IGSF9B: variants seen among roughly 807,000 people sequenced by gnomAD.
IGSF9B encodes the protein protein turtle homolog B.
IGSF9B carries 48 observed loss-of-function variants against 143.7 expected under a neutral mutation model. The observed-to-expected ratio is 0.33, with a 90% CI of 0.26 to 0.42. IGSF9B has a LOEUF of 0.42. Among genes scored for constraint, IGSF9B ranks in the 20% least tolerant of loss-of-function variants. The probability of loss-of-function intolerance (pLI) is 1.00; values close to 1 mark genes in which losing one functional copy is unlikely to be tolerated. For synonymous variants in IGSF9B, 903 were observed against 833.1 expected, an observed-to-expected ratio of 1.08 and a Z score of -1.44; for missense variants, 1,706 against 1,980.0, an observed-to-expected ratio of 0.86 and a Z score of 2.63.
Position 133,922,792 on chromosome 11 carries a change from C to T in IGSF9B, c.2120-62G>A, listed in dbSNP as rs538834077. The T allele has an allele frequency of 1.1e-4, 152 of 1,434,722 alleles. 1 individual carries two copies. The East Asian group carries it at 3.7e-3, about 35-fold the overall frequency. The allele number at this position is 1,434,722 out of a possible 1,614,324, so 88.9% of individuals were successfully genotyped here. On this transcript the variant is annotated intron_variant, in intron 15 of 19. Transcript: ENST00000533871. The stretch of plus-strand genomic sequence containing the variant: ...TTCCCCGGGACCTCACCTGCTCCGA[C>T]CTTCAGTCCCCAAGTGTTTCACCCT...
chr11:133,935,564 A>AC, intron 7 of IGSF9B, 53 bp downstream of exon 7: 1 of 1,566,536 alleles, frequency 6.4e-7, no homozygotes, highest in Non-Finnish European at 8.6e-7. Flanking sequence ...TCTGGCTAAC[A>AC]CCAAAACCTT....
chr11:133,924,485 T>C (rs965107571), intron 15 of IGSF9B, among the ~76,000 whole-genome samples: 1 of 152,146 alleles, frequency 6.6e-6, no homozygotes, highest in African/African-American at 2.4e-5. Context: ...TCACAGCCCC[T>C]CCCCGACAAG....
rs1163300474 is a variant in IGSF9B at position 133,922,715 on chromosome 11, G to A, written c.2135C>T (p.Pro712Leu). The A allele has an allele frequency of 6.4e-7, 1 of 1,572,038 alleles. No homozygotes were observed. The highest frequency in any genetic ancestry group is 8.6e-7 in the Non-Finnish European group (1 of 1,160,876). Residue 712 changes from proline to leucine, a missense_variant, in exon 16 of 20, where the codon CCG (proline) becomes CTG (leucine). By Grantham distance (98) the Pro-to-Leu change is moderately conservative. This residue lies in a region of IGSF9B where 267 missense variants were observed against 321.1 expected (regional missense o/e 0.83). Coordinates refer to ENST00000533871, the MANE Select transcript of IGSF9B (RefSeq NM_001277285.4). The stretch of plus-strand genomic sequence containing the variant: ...CGCCAGCCCATCCTCGGTCAGGTCC[G>A]GCTGCGGGAAGATGTCTGCAGGGAG... ...GVSSTDIFPQ[P>L]DLTEDGLARP...
rs755918456 is a variant in IGSF9B at position 133,920,728 on chromosome 11, C to G, written c.2997G>C (p.Pro999=). The G allele has an allele frequency of 1.6e-5, 25 of 1,612,734 alleles. No homozygotes were observed. In the South Asian group the frequency reaches 2.5e-4, roughly 16 times the overall value. The change falls in exon 18 of 20, where the codon CCG becomes CCC. Residue 999 remains proline, a synonymous_variant. Transcript: ENST00000533871. The part of the protein sequence containing the change: ...GSPLSSVMSS[P]PLPTEGPFGH... ...CAAAGGGCCCCTCGGTGGGCAGGGGCGGGGACGACATGACGGAGCTCAGGG... is the reference window on the plus strand; with the variant it reads ...CAAAGGGCCCCTCGGTGGGCAGGGGGGGGGACGACATGACGGAGCTCAGGG...
intron 4 of IGSF9B, 72 bp from the exon 5 acceptor site, chr11:133,937,565 T>A: frequency 2.4e-6 from 3 of 1,271,722 alleles, no homozygotes; most frequent in Non-Finnish European, 3.4e-6. Flanking sequence ...AACACGGAGA[T>A]GCAGTCGGAG....
chr11:133,955,324 T>C (rs566295254), intron 1 of IGSF9B, among the ~76,000 whole-genome samples: 6 of 152,314 alleles, frequency 3.9e-5, no homozygotes, highest in Non-Finnish European at 7.4e-5. Flanking sequence ...CGGACCAACA[T>C]GTCAGTTAAC....
At chr11:133,938,170 C>G (rs1182908402) in intron 3 of IGSF9B, 1 of 582,260 alleles carries the variant, frequency 1.7e-6, no homozygotes, top group Non-Finnish European at 3.0e-6. Context: ...GGTCCAAATT[C>G]TGTATTGTAG....
intron 11 of IGSF9B, among the ~76,000 whole-genome samples, chr11:133,930,181 G>A (rs570814091): frequency 4.6e-5 from 7 of 152,164 alleles, no homozygotes; most frequent in African/African-American, 1.2e-4. Context: ...AGACAACTCC[G>A]TCCCACCCCA....
chr11:133,918,994 A>C (rs1177992637), intron 18 of IGSF9B: 1 of 478,490 alleles, frequency 2.1e-6, no homozygotes, highest in Admixed American at 2.3e-5. Context: ...AGAGAAGAAG[A>C]GGCACAGGCA....
In IGSF9B at chr11:133,944,271, G is replaced by C; in HGVS notation, c.358C>G (p.Gln120Glu). The change falls in exon 3 of 20, where the codon CAG becomes GAG. Residue 120 changes from glutamine to glutamate, a missense_variant. Physicochemically the swap from Gln to Glu is conservative, Grantham distance 29. This residue lies in a region of IGSF9B where 171 missense variants were observed against 213.9 expected (regional missense o/e 0.80). Coordinates refer to ENST00000533871, the MANE Select transcript of IGSF9B (RefSeq NM_001277285.4). ...WYECKVLMLD[Q>E]QYDTFHNGSW... is the part of the protein sequence containing the mutation. ...CCATTGTGGAAGGTGTCATACTGCTGGTCCAGCATGAGCACTTTGCACTCA... is the reference window on the plus strand; with the variant it reads ...CCATTGTGGAAGGTGTCATACTGCTCGTCCAGCATGAGCACTTTGCACTCA... The C allele has an allele frequency of 6.2e-7, 1 of 1,613,732 alleles. No individual in the cohort carries two copies. The highest frequency in any genetic ancestry group is 8.5e-7 in the Non-Finnish European group (1 of 1,179,774).
Position 133,909,317 on chromosome 11 carries a change from G to T in IGSF9B, c.4106-40C>A, listed in dbSNP as rs544824039. 6.8e-7 allele frequency: 1 copy of T among 1,468,900 alleles called. No homozygotes were observed. Among genetic ancestry groups the T allele is most frequent in the South Asian group, 1.2e-5 (1 of 82,682 alleles). The allele number at this position is 1,468,900 out of a possible 1,614,324, so 91.0% of individuals were successfully genotyped here. A position where few individuals can be genotyped will look rare whatever the true frequency, so the allele number is the denominator to read the frequency against. On this transcript the variant is annotated intron_variant, in intron 19 of 19. Coordinates refer to ENST00000533871, the MANE Select transcript of IGSF9B (RefSeq NM_001277285.4). The surrounding 1 kb of genome is among the most constrained non-coding windows in gnomAD (Gnocchi z 4.2). ...AGAGGGACGCAAAAGAGAAGCAAGC[G>T]GATGAAAAGGAAGCACGCAGCCTGC...
chr11:133,926,555 C>G (rs1293148084), intron 13 of IGSF9B, among the ~76,000 whole-genome samples: 4 of 152,234 alleles, frequency 2.6e-5, no homozygotes, highest in African/African-American at 9.6e-5. Flanking sequence ...GGGAGGCAGC[C>G]ACATGCCTAC....
Position 133,920,869 on chromosome 11 carries a change from C to T in IGSF9B, c.2856G>A (p.Gln952=). The T allele has an allele frequency of 6.2e-7, 1 of 1,605,430 alleles. No individual in the cohort carries two copies. The highest frequency in any genetic ancestry group is 1.3e-5 in the African/African-American group (1 of 74,812). The change falls in exon 18 of 20, where the codon CAG becomes CAA. Residue 952 remains glutamine, a synonymous_variant. Coordinates refer to ENST00000533871, the MANE Select transcript of IGSF9B (RefSeq NM_001277285.4). ...AGGGCCGGGGGGCAGGGGGCCGGGC[C>T]TGGCCTGTGGCCTGAAGCCGACCTT... The part of the protein sequence containing the change: ...GLEGRLQATG[Q]ARPPAPRPFH...
chr11:133,910,807 T>C (rs1458637571), intron 19 of IGSF9B, among the ~76,000 whole-genome samples: 2 of 152,158 alleles, frequency 1.3e-5, no homozygotes, highest in Non-Finnish European at 2.9e-5. Flanking sequence ...TAAAGAAATA[T>C]ATGTTATACA....
intron 12 of IGSF9B, 104 bp from the exon 13 acceptor site, chr11:133,927,195 C>G: frequency 1.1e-6 from 1 of 917,654 alleles, no homozygotes; most frequent in Non-Finnish European, 1.7e-6. Context: ...ACTGGTGGGC[C>G]TGGCGTTCCT....
At chr11:133,956,589 C>T (rs1940259900) in intron 1 of IGSF9B, 102 bp downstream of exon 1, 1 of 767,674 alleles carries the variant, frequency 1.3e-6, no homozygotes, top group Non-Finnish European at 2.1e-6. Flanking sequence ...CGCCGGGGAG[C>T]TGGGGAACCG....
rs113863704 is a variant in IGSF9B, at chr11:133,905,979, C to A, written c.*3090G>T. 7.5e-3 allele frequency among the ~76,000 whole-genome samples: 1,136 copies of A among 152,354 alleles called. 14 individuals are homozygous for A. Among genetic ancestry groups the A allele is most frequent in the African/African-American group, 0.026 (1,097 of 41,586 alleles). ...CTGGTCTGTGGGTCACCTGACACTA[C>A]AACAGCCACAGTTCTCAGCCATGAT... On this transcript the variant is annotated 3_prime_UTR_variant, in exon 20 of 20. Transcript: ENST00000533871. The surrounding 1 kb of genome is among the most constrained non-coding windows in gnomAD (Gnocchi z 4.0).
At chr11:133,924,080 C>G (rs548715288) in intron 15 of IGSF9B, among the ~76,000 whole-genome samples, 3 of 152,344 alleles carry the variant, frequency 2.0e-5, no homozygotes, top group African/African-American at 7.2e-5. Flanking sequence ...CCCAACTCTA[C>G]AAGTCCTGCT....
At position 133,901,704 on chromosome 11, in the gene IGSF9B, TTG is replaced by T. The variant is rs1939123019; in HGVS notation, c.*7363_*7364del. On this transcript the variant is annotated 3_prime_UTR_variant, in exon 20 of 20. Coordinates refer to ENST00000533871, the MANE Select transcript of IGSF9B (RefSeq NM_001277285.4). ...TTTGACCCTCCTACCCAAACAGAAG[TTG>T]TCTAGCAAAAGAGCCAAACAAAGGA... 1 of 152,112 alleles carries T rather than the reference TTG, an allele frequency of 6.6e-6. No individual in the cohort carries two copies. Among genetic ancestry groups the T allele is most frequent in the Admixed American group, 6.5e-5 (1 of 15,270 alleles). The allele number at this position is 152,112 out of a possible 1,614,324, so 9.4% of individuals were successfully genotyped here.
Sources: gnomAD v4.1 joint callset for allele counts (sites outside exome capture counted in the v4.1 genomes callset) on GRCh38, gnomAD v4.1.1 for gene constraint, gnomAD v4.1.1 regional missense constraint, Gnocchi (gnomAD v3.1) non-coding constraint, MANE v1.5 for transcripts, NCBI Gene and HGNC (gene_info 2026-07-23, HGNC 2026-07-21) for gene names.